The following PHF14 variants were observed in gnomAD, a reference collection of about 807,000 sequenced individuals.
PHF14 encodes the protein PHD finger protein 14.
PHF14 carries 55 observed loss-of-function variants against 117.9 expected under a neutral mutation model. The ratio of observed to expected loss-of-function variants is 0.47; its 90% CI spans 0.38 to 0.58. The LOEUF (loss-of-function observed/expected upper bound fraction) is 0.58. Among genes scored for constraint, PHF14 ranks in the 20% least tolerant of loss-of-function variants. The pLI is 0.00. For missense variants in PHF14, 978 were observed against 1,122.2 expected, an observed-to-expected ratio of 0.87 and a Z score of 1.84; for synonymous variants, 409 against 368.6, an observed-to-expected ratio of 1.11 and a Z score of -1.26.
intron 4 of PHF14, chr7:11,006,325 CT>C: frequency 2.4e-6 from 1 of 419,184 alleles, no homozygotes; most frequent in East Asian, 5.7e-5. Context: ...CTGTCATTTT[CT>C]TAGTCATTTC....
At chr7:11,056,350 C>G (rs1785018693) in intron 14 of PHF14, among the ~76,000 whole-genome samples, 1 of 152,128 alleles carries the variant, frequency 6.6e-6, no homozygotes, top group Non-Finnish European at 1.5e-5. Context: ...TATAGCAGCA[C>G]TTACTTGTCA....
chr7:11,164,719 C>T (rs1583516678), intron 17 of PHF14, among the ~76,000 whole-genome samples: 1 of 152,076 alleles, frequency 6.6e-6, no homozygotes, highest in Non-Finnish European at 1.5e-5. Context: ...GTAGTGTTGC[C>T]ATTTTATGTA....
At chr7:10,990,413 A>C (rs898322022) in intron 3 of PHF14, among the ~76,000 whole-genome samples, 1 of 152,208 alleles carries the variant, frequency 6.6e-6, no homozygotes, top group Non-Finnish European at 1.5e-5. Flanking sequence ...AAAGCAGATC[A>C]ACAGTAGTTA....
At chr7:11,089,077 A>C (rs1786538621) in intron 16 of PHF14, among the ~76,000 whole-genome samples, 1 of 151,666 alleles carries the variant, frequency 6.6e-6, no homozygotes, top group Admixed American at 6.6e-5. Context: ...ACAGACAGAC[A>C]CAAAGATTAA....
chr7:11,136,640 A>G (rs1583493387), intron 17 of PHF14, among the ~76,000 whole-genome samples: 1 of 152,194 alleles, frequency 6.6e-6, no homozygotes, highest in African/African-American at 2.4e-5. Context: ...TAAGAAATGC[A>G]TTTGTAATTC....
At chr7:11,075,138 C>T (rs532753075) in intron 16 of PHF14, among the ~76,000 whole-genome samples, 12 of 151,976 alleles carry the variant, frequency 7.9e-5, no homozygotes, top group South Asian at 2.1e-4. Flanking sequence ...AGAGTTTCAC[C>T]GTGTTGCCCA....
chr7:11,093,194 A>C (rs565067978), intron 16 of PHF14, among the ~76,000 whole-genome samples: 2 of 152,320 alleles, frequency 1.3e-5, no homozygotes, highest in South Asian at 4.1e-4. Context: ...TTTCTGGTTT[A>C]ATTGCATCTT....
rs1399104779 is a variant in PHF14 at position 11,130,883 on chromosome 7, A to G, written c.2772+19416A>G. Among the ~76,000 whole-genome samples, 2 of 151,884 alleles carry G rather than the reference A, an allele frequency of 1.3e-5. No homozygotes were observed. The highest frequency in any genetic ancestry group is 2.4e-5 in the African/African-American group (1 of 41,374). ...AACCACAGATCCTTTTGCTGTCTCC[A>G]TAGTTTTGCCTTTTCTGAATGTCAT... On this transcript the variant is annotated intron_variant, in intron 17 of 17. Transcript: ENST00000634607. This position sits in a 1 kb window ranked among gnomAD's most constrained non-coding sequence, Gnocchi z 4.2.
At chr7:11,089,739 A>G (rs922995263) in intron 16 of PHF14, among the ~76,000 whole-genome samples, 3 of 145,458 alleles carry the variant, frequency 2.1e-5, no homozygotes, top group East Asian at 4.0e-4. Context: ...ATGTGACTTT[A>G]GTGTAGAATT....
chr7:11,037,514 G>A (rs1016567949), intron 10 of PHF14, among the ~76,000 whole-genome samples: 2 of 152,068 alleles, frequency 1.3e-5, no homozygotes, highest in African/African-American at 4.8e-5. Flanking sequence ...TTGCTATAGA[G>A]CTTCACTTTC....
chr7:11,036,721 A>G (rs964480101), intron 9 of PHF14, 33 bp downstream of exon 9: 7 of 1,571,950 alleles, frequency 4.5e-6, no homozygotes, highest in Non-Finnish European at 6.1e-6. Context: ...GCACATTTTC[A>G]CTGAGAACAA....
chr7:11,084,649 T>C (rs1362441040), intron 16 of PHF14, among the ~76,000 whole-genome samples: 1 of 152,150 alleles, frequency 6.6e-6, no homozygotes, highest in African/African-American at 2.4e-5. Flanking sequence ...TCCTGTTTAA[T>C]TTCTATCCCA....
At chr7:11,062,891 G>A in intron 16 of PHF14, 2 of 982,844 alleles carry the variant, frequency 2.0e-6, no homozygotes, top group Non-Finnish European at 2.4e-6. Context: ...CTTTGTAAGG[G>A]AATCCATTCT....
chr7:11,165,013 C>T lies in PHF14; in HGVS notation c.2773-4403C>T, dbSNP rs182616473. Among the ~76,000 whole-genome samples, 559 of 152,276 alleles carry T rather than the reference C, an allele frequency of 3.7e-3. 3 individuals carry two copies. The highest frequency in any genetic ancestry group is 0.012 in the African/African-American group (518 of 41,552). ...GATCTCCGCTCACTGCAGCCTCCAC[C>T]TCCTGGGTTCAAGCGATTCTCCTGC... On this transcript the variant is annotated intron_variant, in intron 17 of 17. Coordinates refer to ENST00000634607, the MANE Select transcript of PHF14 (RefSeq NM_001007157.2).
chr7:11,040,706 A>G lies in PHF14; in HGVS notation c.2111A>G (p.Lys704Arg). The change falls in exon 12 of 18, where the codon AAG (lysine) becomes AGG (arginine). Residue 704 changes from lysine (K) to arginine (R), a missense_variant. By Grantham distance (26) the Lys-to-Arg change is conservative (BLOSUM62 2). Coordinates refer to ENST00000634607, the MANE Select transcript of PHF14 (RefSeq NM_001007157.2). ...ATACCGGCAATTTTGCGAGCACCCA[A>G]GGAGAGAAAACCAAGTAAAAAAGAA... ...LNIPAILRAP[K>R]ERKPSKKEGG... 1 of 1,569,924 alleles carries G rather than the reference A, an allele frequency of 6.4e-7. No homozygotes were observed. The highest frequency in any genetic ancestry group is 8.6e-7 in the Non-Finnish European group (1 of 1,156,214).
chr7:11,052,623 G>A (rs1362359550), intron 14 of PHF14, among the ~76,000 whole-genome samples: 1 of 152,128 alleles, frequency 6.6e-6, no homozygotes, highest in Non-Finnish European at 1.5e-5. Context: ...GCTTCACAAA[G>A]TTTTGTCCAG....
chr7:11,056,917 A>T (rs558838076), intron 14 of PHF14, among the ~76,000 whole-genome samples: 1 of 151,572 alleles, frequency 6.6e-6, no homozygotes, highest in Non-Finnish European at 1.5e-5. Context: ...ATCTAATGCT[A>T]TTTAGCTTAA....
At chr7:11,014,354 G>T (rs1299375752) in intron 5 of PHF14, among the ~76,000 whole-genome samples, 1 of 152,106 alleles carries the variant, frequency 6.6e-6, no homozygotes, top group Non-Finnish European at 1.5e-5. Context: ...TGATAAAAGA[G>T]TCACTATAAG....
chr7:11,042,629 TG>T (rs1784536156), intron 12 of PHF14, 53 bp from the exon 13 acceptor site: 1 of 1,244,786 alleles, frequency 8.0e-7, no homozygotes, highest in Admixed American at 2.8e-5. Context: ...ATAAGTAAAC[TG>T]TTTCACTATG....
Sources: gnomAD v4.1 joint callset for allele counts (sites outside exome capture counted in the v4.1 genomes callset) on GRCh38, gnomAD v4.1.1 for gene constraint, Gnocchi (gnomAD v3.1) non-coding constraint, MANE v1.5 for transcripts, NCBI Gene and HGNC (gene_info 2026-07-23, HGNC 2026-07-21) for gene names.